Variants in LASP1 observed in about 807,000 individuals in gnomAD.
LASP1 encodes LIM and SH3 protein 1, also known as LIM and SH3 domain protein 1.
LASP1 carries 10 observed loss-of-function variants against 38.6 expected under a neutral mutation model. That is an observed-to-expected ratio of 0.26 (90% confidence interval 0.16 to 0.44). The LOEUF (loss-of-function observed/expected upper bound fraction) is 0.44, where lower values mean the gene tolerates loss of function less well. Ranked by LOEUF, LASP1 falls within the 20% of genes least tolerant of loss-of-function variation. The probability of loss-of-function intolerance (pLI) is 1.00; values close to 1 mark genes in which losing one functional copy is unlikely to be tolerated. For missense variants in LASP1, 243 were observed against 375.7 expected, an observed-to-expected ratio of 0.65 and a Z score of 2.92; for synonymous variants, 132 against 140.8, an observed-to-expected ratio of 0.94 and a Z score of 0.44.
At chr17:38,889,603 A>G (rs1421005256) in intron 2 of LASP1, among the ~76,000 whole-genome samples, 1 of 152,220 alleles carries the variant, frequency 6.6e-6, no homozygotes, top group African/African-American at 2.4e-5. Context: ...TGTTTCATGC[A>G]TAAAATTATT....
In LASP1 at chr17:38,870,295, C is replaced by G. The variant is rs1341581631; in HGVS notation, c.69+37C>G. 3 of 1,606,062 alleles carry G rather than the reference C, an allele frequency of 1.9e-6. No homozygotes were observed. In the East Asian group the frequency reaches 6.7e-5, roughly 36 times the overall value. ...ACCGGGAGACGCGTCTTTGCAATCC[C>G]CCGCAGTGCTCCGAATCCAGGGAGG... On this transcript the variant is annotated intron_variant, in intron 1 of 6. Coordinates refer to ENST00000318008, the MANE Select transcript of LASP1 (RefSeq NM_006148.4).
intron 1 of LASP1, among the ~76,000 whole-genome samples, chr17:38,871,437 A>G (rs1204713239): frequency 6.6e-6 from 1 of 151,936 alleles, no homozygotes; most frequent in Admixed American, 6.6e-5. Flanking sequence ...GCTGGCTCCA[A>G]GTCCAAGTAT....
At chr17:38,911,809 A>G (rs1470768677) in intron 4 of LASP1, among the ~76,000 whole-genome samples, 2 of 151,794 alleles carry the variant, frequency 1.3e-5, no homozygotes, top group Non-Finnish European at 2.9e-5. Flanking sequence ...ATTTTGAGAC[A>G]GAGTCACGGA....
At chr17:38,917,721 T>C (rs901450398) in intron 6 of LASP1, among the ~76,000 whole-genome samples, 2 of 152,130 alleles carry the variant, frequency 1.3e-5, no homozygotes, top group African/African-American at 4.8e-5. Flanking sequence ...CTTGCTCTGC[T>C]GCCCAGGCTG....
At chr17:38,891,084 C>A (rs1321780131) in intron 3 of LASP1, among the ~76,000 whole-genome samples, 1 of 151,784 alleles carries the variant, frequency 6.6e-6, no homozygotes, top group African/African-American at 2.4e-5. Flanking sequence ...AGAACTTGGT[C>A]TTTAGGGGAC....
chr17:38,906,494 A>C (rs1221480360), intron 4 of LASP1, among the ~76,000 whole-genome samples: 1 of 152,074 alleles, frequency 6.6e-6, no homozygotes, highest in Non-Finnish European at 1.5e-5. Context: ...GCACCACTGC[A>C]CTCCATCCTG....
intron 2 of LASP1, among the ~76,000 whole-genome samples, chr17:38,882,709 C>T (rs1460618293): frequency 2.0e-5 from 3 of 152,196 alleles, no homozygotes; most frequent in African/African-American, 7.2e-5. Flanking sequence ...AAACCTGCAT[C>T]GTTGTCTCCC....
intron 1 of LASP1, among the ~76,000 whole-genome samples, chr17:38,876,172 T>A (rs1173271910): frequency 1.3e-5 from 2 of 148,852 alleles, no homozygotes; most frequent in East Asian, 3.9e-4. Context: ...GTTAGATCGT[T>A]TCTCTTTTTT....
chr17:38,917,398 CT>C (rs947525399), intron 6 of LASP1, among the ~76,000 whole-genome samples: 230 of 149,560 alleles, frequency 1.5e-3, no homozygotes, highest in African/African-American at 5.4e-3. Flanking sequence ...ATTTATTTTT[CT>C]TTTTTTTTTC....
At position 38,918,933 on chromosome 17, in the gene LASP1, C is replaced by A; in HGVS notation, c.*155C>A. On this transcript the variant is annotated 3_prime_UTR_variant, in exon 7 of 7. Coordinates refer to ENST00000318008, the MANE Select transcript of LASP1 (RefSeq NM_006148.4). This position sits in a 1 kb window ranked among gnomAD's most constrained non-coding sequence, Gnocchi z 4.4. ...AGCTTCTTTTGCCAACTGAAGCCTT[C>A]TTCTGCCACTTCTGCGGGCTCCCTC... The A allele has an allele frequency of 1.3e-6, 1 of 785,928 alleles. No individual in the cohort carries two copies. Among genetic ancestry groups the A allele is most frequent in the Non-Finnish European group, 2.0e-6 (1 of 499,538 alleles). The allele number at this position is 785,928 out of a possible 1,614,324, so 48.7% of individuals were successfully genotyped here. A position where few individuals can be genotyped will look rare whatever the true frequency, so the allele number is the denominator to read the frequency against.
At chr17:38,917,644 T>C (rs1915170917) in intron 6 of LASP1, among the ~76,000 whole-genome samples, 1 of 152,110 alleles carries the variant, frequency 6.6e-6, no homozygotes, top group Non-Finnish European at 1.5e-5. Flanking sequence ...CTGGTGCTTA[T>C]AATCATACAA....
At chr17:38,887,184 TGGGCCA>T (rs1914165053) in intron 2 of LASP1, among the ~76,000 whole-genome samples, 2 of 152,206 alleles carry the variant, frequency 1.3e-5, no homozygotes, top group African/African-American at 4.8e-5. Flanking sequence ...CTTCGAGTGC[TGGGCCA>T]GAGCTGCCCG....
chr17:38,881,077 A>C (rs1913934896), intron 2 of LASP1, among the ~76,000 whole-genome samples: 1 of 151,964 alleles, frequency 6.6e-6, no homozygotes, highest in Non-Finnish European at 1.5e-5. Flanking sequence ...CTTCAGTCTG[A>C]GCGACAGAGC....
At chr17:38,909,976 G>C (rs1013043146) in intron 4 of LASP1, among the ~76,000 whole-genome samples, 1 of 152,152 alleles carries the variant, frequency 6.6e-6, no homozygotes, top group South Asian at 2.1e-4. Context: ...TTGAACTCCT[G>C]ACTTCAAGCA....
chr17:38,886,657 C>T (rs941336575), intron 2 of LASP1, among the ~76,000 whole-genome samples: 4 of 152,154 alleles, frequency 2.6e-5, no homozygotes, highest in Admixed American at 2.0e-4. Context: ...CTCCCGAGAC[C>T]GTCTGGTGGG....
chr17:38,899,753 T>TTA (rs888363864), intron 4 of LASP1, among the ~76,000 whole-genome samples: 40 of 146,876 alleles, frequency 2.7e-4, no homozygotes, highest in Admixed American at 2.4e-3. Flanking sequence ...AGATCTTTTT[T>TTA]TTTTTTTTTG....
At position 38,870,147 on chromosome 17, in the gene LASP1, G is replaced by C. The variant is rs1279244097; in HGVS notation, c.-43G>C. On this transcript the variant is annotated 5_prime_UTR_variant, in exon 1 of 7. Transcript: ENST00000318008. ...GCCAGCTCGCCTCGGGGAACAGGAC[G>C]CGCGTGAGCTCAGGCGTCCCCGCCC... 1 of 1,608,812 alleles carries C rather than the reference G, an allele frequency of 6.2e-7. No homozygotes were observed. Among genetic ancestry groups the C allele is most frequent in the African/African-American group, 1.3e-5 (1 of 74,864 alleles).
intron 2 of LASP1, among the ~76,000 whole-genome samples, chr17:38,881,737 T>A (rs951252174): frequency 6.6e-6 from 1 of 152,196 alleles, no homozygotes; most frequent in African/African-American, 2.4e-5. Context: ...GCCAGGGAGT[T>A]GGGCCCACCC....
rs535892648 is a variant in LASP1, at chr17:38,890,977, G to C, written c.249+473G>C. Among the ~76,000 whole-genome samples the C allele has an allele frequency of 3.3e-5, 5 of 152,330 alleles. No homozygotes were observed. The South Asian group carries it at 1.0e-3, about 32-fold the overall frequency. ...CCATGGGGGCACAGGATAGGGGGCT[G>C]TTCCGCCTCTGTCTCCTTTGGCTTG... On this transcript the variant is annotated intron_variant, in intron 3 of 6. Transcript: ENST00000318008.
Sources: allele counts gnomAD v4.1 joint callset (sites outside exome capture counted in the v4.1 genomes callset), GRCh38; gene constraint gnomAD v4.1.1; non-coding constraint Gnocchi (gnomAD v3.1); transcripts MANE v1.5; gene names NCBI Gene and HGNC (gene_info 2026-07-23, HGNC 2026-07-21).